The following REDIC1 variants were observed in gnomAD, a reference collection of about 807,000 sequenced individuals.
REDIC1 encodes HEI10 Interacting Protein 1.
the REDIC1 span, among the ~76,000 whole-genome samples, chr12:39,879,608 G>A: frequency 6.6e-6 from 1 of 152,126 alleles, no homozygotes. Flanking sequence ...CTTTCTTTTG[G>A]CTGATTTCTC....
chr12:39,889,061 T>C, the REDIC1 span, among the ~76,000 whole-genome samples: 2 of 152,158 alleles, frequency 1.3e-5, no homozygotes, highest in African/African-American at 2.4e-5. Context: ...GATGTGGTTT[T>C]AGATATATTT....
the REDIC1 span, chr12:39,626,473 CT>C: frequency 7.4e-7 from 1 of 1,348,832 alleles, no homozygotes; most frequent in Non-Finnish European, 1.0e-6. Flanking sequence ...AGGAAAGGGT[CT>C]TTTTATTGTT....
the REDIC1 span, among the ~76,000 whole-genome samples, chr12:39,702,358 C>T: frequency 2.0e-5 from 3 of 152,336 alleles, no homozygotes; most frequent in South Asian, 2.1e-4. Context: ...TTACTCAACA[C>T]ATACACCCTC....
chr12:39,680,483 G>A, the REDIC1 span, among the ~76,000 whole-genome samples: 62 of 152,280 alleles, frequency 4.1e-4, no homozygotes, highest in African/African-American at 1.4e-3. Flanking sequence ...AATAATAGAT[G>A]TTGGCATGGA....
At chr12:39,772,647 A>G in the REDIC1 span, among the ~76,000 whole-genome samples, 1 of 152,226 alleles carries the variant, frequency 6.6e-6, no homozygotes, top group Non-Finnish European at 1.5e-5. Flanking sequence ...GCAGGCAGGT[A>G]GGCAGGCTCC....
chr12:39,896,489 T>C, the REDIC1 span, among the ~76,000 whole-genome samples: 5 of 148,236 alleles, frequency 3.4e-5, no homozygotes, highest in South Asian at 8.5e-4. Flanking sequence ...TGTGTATATA[T>C]GTACACATAT....
the REDIC1 span, among the ~76,000 whole-genome samples, chr12:39,864,257 T>C: frequency 1.3e-5 from 2 of 152,216 alleles, no homozygotes; most frequent in African/African-American, 4.8e-5. Context: ...ACCATCACTT[T>C]TTACTTCCTG....
the REDIC1 span, among the ~76,000 whole-genome samples, chr12:39,784,056 C>G: frequency 6.6e-6 from 1 of 152,180 alleles, no homozygotes; most frequent in Admixed American, 6.5e-5. Flanking sequence ...CTACAAACCA[C>G]TGCTCAACGA....
At chr12:39,653,514 T>TCTA in the REDIC1 span, among the ~76,000 whole-genome samples, 1 of 54,290 alleles carries the variant, frequency 1.8e-5, no homozygotes, top group Non-Finnish European at 4.6e-5. Flanking sequence ...TTCTTCTTCT[T>TCTA]CTTCTTCTTC....
the REDIC1 span, among the ~76,000 whole-genome samples, chr12:39,689,721 A>G: frequency 6.6e-6 from 1 of 152,308 alleles, no homozygotes; most frequent in South Asian, 2.1e-4. Context: ...GTCGTAGGAA[A>G]GAAAAAGGAG....
At chr12:39,845,750 T>C in the REDIC1 span, among the ~76,000 whole-genome samples, 1 of 152,146 alleles carries the variant, frequency 6.6e-6, no homozygotes, top group African/African-American at 2.4e-5. Context: ...TAGACCCTAC[T>C]GTACTGACAA....
At chr12:39,643,731 C>A in the REDIC1 span, 2 of 1,313,056 alleles carry the variant, frequency 1.5e-6, no homozygotes, top group Admixed American at 2.2e-5. Context: ...ATAATTCTGT[C>A]TAAAACCGCA....
the REDIC1 span, among the ~76,000 whole-genome samples, chr12:39,715,838 A>G: frequency 6.6e-6 from 1 of 151,936 alleles, no homozygotes; most frequent in South Asian, 2.1e-4. Context: ...AATGAACCTT[A>G]TTGGGGTGAA....
At chr12:39,747,891 A>G in the REDIC1 span, among the ~76,000 whole-genome samples, 1 of 152,200 alleles carries the variant, frequency 6.6e-6, no homozygotes, top group Non-Finnish European at 1.5e-5. Flanking sequence ...AGATTTTGTC[A>G]CCACCAGGCC....
the REDIC1 span, among the ~76,000 whole-genome samples, chr12:39,710,765 A>C: frequency 6.6e-6 from 1 of 151,776 alleles, no homozygotes; most frequent in Admixed American, 6.6e-5. Context: ...TTGTGACTTA[A>C]ACAAATGTAT....
chr12:39,888,549 C>T, the REDIC1 span, among the ~76,000 whole-genome samples: 1 of 152,184 alleles, frequency 6.6e-6, no homozygotes. Context: ...ACTTAACATG[C>T]AACTTAGCAG....
At chr12:39,786,230 C>A in the REDIC1 span, among the ~76,000 whole-genome samples, 5 of 152,218 alleles carry the variant, frequency 3.3e-5, no homozygotes, top group African/African-American at 9.6e-5. Context: ...GTAATTGAAT[C>A]ATGGGGGCTG....
At chr12:39,740,659 A>C in the REDIC1 span, among the ~76,000 whole-genome samples, 4 of 152,220 alleles carry the variant, frequency 2.6e-5, no homozygotes, top group Non-Finnish European at 5.9e-5. Context: ...GTGCTGTGCT[A>C]TAGTTAAAGA....
chr12:39,692,228 T>C, the REDIC1 span: 2 of 1,010,010 alleles, frequency 2.0e-6, no homozygotes, highest in East Asian at 3.1e-5. Context: ...ATATCATGGA[T>C]ATTTTAGTAC....
Sources: gnomAD v4.1 joint callset for allele counts (sites outside exome capture counted in the v4.1 genomes callset) on GRCh38, gnomAD v4.1.1 for gene constraint, MANE v1.5 for transcripts, NCBI Gene and HGNC (gene_info 2026-07-23, HGNC 2026-07-21) for gene names.